FRMD4B: variants seen among roughly 807,000 people sequenced by gnomAD.
FRMD4B encodes the protein FERM domain-containing protein 4B.
A neutral mutation model predicts 141.5 loss-of-function variants in FRMD4B; 74 were observed. The ratio of observed to expected loss-of-function variants is 0.52; its 90% CI spans 0.43 to 0.63. The LOEUF (loss-of-function observed/expected upper bound fraction) is 0.63, where lower values mean the gene tolerates loss of function less well. FRMD4B is among the 30% of genes least tolerant of loss of function. FRMD4B has a pLI of 0.00. For synonymous variants in FRMD4B, 506 were observed against 467.9 expected (o/e 1.08, Z -1.05); for missense variants, 1,366 against 1,253.4 (o/e 1.09, Z -1.36).
rs1559552130 is a variant in FRMD4B, at chr3:69,520,017, TA to T, written c.-129+22188del. On this transcript the variant is annotated intron_variant, in intron 1 of 5. Coordinates refer to the FRMD4B transcript ENST00000459638. ...TATTCCATATATATATATATATATA[TA>T]TATATATTCCATCATATATATATAT... 2.3e-5 allele frequency among the ~76,000 whole-genome samples: 3 copies of T among 128,016 alleles called. No individual in the cohort carries two copies. In the East Asian group the frequency reaches 6.8e-4, roughly 29 times the overall value. The allele number at this position is 128,016 out of a possible 152,430, so 84.0% of individuals were successfully genotyped here. A position where few individuals can be genotyped will look rare whatever the true frequency, so the allele number is the denominator to read the frequency against.
At chr3:69,241,543 C>G (rs1020220724) in intron 7 of FRMD4B, among the ~76,000 whole-genome samples, 1 of 152,140 alleles carries the variant, frequency 6.6e-6, no homozygotes, top group South Asian at 2.1e-4. Flanking sequence ...GTCAAGTAAG[C>G]CTTCTTTATT....
At chr3:69,265,272 ATATATATATATATATATAT>A (rs2093555039) in intron 5 of FRMD4B, among the ~76,000 whole-genome samples, 201 of 16,188 alleles carry the variant, frequency 0.012, 35 homozygotes, top group African/African-American at 0.04. Flanking sequence ...AAAAAAAAAT[ATATATATATATATATATAT>A]ATATATATAT....
chr3:69,509,979 A>G (rs1001223437), intron 1 of FRMD4B, among the ~76,000 whole-genome samples: 5 of 151,362 alleles, frequency 3.3e-5, no homozygotes, highest in Admixed American at 2.0e-4. Context: ...TTCTACATGC[A>G]CTGGGAAATC....
intron 1 of FRMD4B, among the ~76,000 whole-genome samples, chr3:69,499,259 C>G (rs1288092885): frequency 2.6e-5 from 4 of 152,124 alleles, no homozygotes; most frequent in African/African-American, 9.7e-5. Flanking sequence ...AGTAAAGAGT[C>G]TGAATCTTAT....
intron 1 of FRMD4B, among the ~76,000 whole-genome samples, chr3:69,437,816 CTA>C (rs1377061488): frequency 2.4e-5 from 3 of 122,712 alleles, no homozygotes; most frequent in South Asian, 2.4e-4. Flanking sequence ...TTTATATATA[CTA>C]TATATATTTA....
At chr3:69,312,403 G>A (rs991691445) in intron 2 of FRMD4B, among the ~76,000 whole-genome samples, 2 of 152,206 alleles carry the variant, frequency 1.3e-5, no homozygotes, top group Non-Finnish European at 2.9e-5. Flanking sequence ...AGCTACTGTT[G>A]ACTGTACTAT....
At chr3:69,314,993 A>T (rs987280088) in intron 1 of FRMD4B, among the ~76,000 whole-genome samples, 1 of 152,110 alleles carries the variant, frequency 6.6e-6, no homozygotes, top group Non-Finnish European at 1.5e-5. Context: ...CATGCCTGTG[A>T]ATAGCCACTG....
At chr3:69,233,239 C>A (rs1161935070) in intron 7 of FRMD4B, among the ~76,000 whole-genome samples, 2 of 151,954 alleles carry the variant, frequency 1.3e-5, no homozygotes, top group African/African-American at 4.8e-5. Flanking sequence ...GTAATCCCAG[C>A]ACTTTGGGAG....
At chr3:69,180,759 C>T in intron 21 of FRMD4B, 140 bp downstream of exon 21, 3 of 619,802 alleles carry the variant, frequency 4.8e-6, no homozygotes, top group Non-Finnish European at 8.6e-6. Context: ...GTTGGAAATT[C>T]TTATTGTGGG....
intron 1 of FRMD4B, among the ~76,000 whole-genome samples, chr3:69,464,580 C>T (rs17005948): frequency 0.24 from 36,578 of 152,100 alleles, 4,598 homozygotes; most frequent in South Asian, 0.33. Flanking sequence ...GTGGAGACCC[C>T]TTTCTTATAG....
intron 3 of FRMD4B, among the ~76,000 whole-genome samples, chr3:69,306,047 T>C (rs1195515545): frequency 6.6e-6 from 1 of 152,196 alleles, no homozygotes; most frequent in Non-Finnish European, 1.5e-5. Context: ...TATTCATGCA[T>C]ATATTATAAG....
intron 2 of FRMD4B, among the ~76,000 whole-genome samples, chr3:69,405,975 A>T (rs998133285): frequency 1.6e-4 from 25 of 152,178 alleles, no homozygotes; most frequent in African/African-American, 6.0e-4. Context: ...TATAATAATT[A>T]TTAAATTCTT....
intron 7 of FRMD4B, among the ~76,000 whole-genome samples, chr3:69,244,482 T>C (rs2093409770): frequency 6.6e-6 from 1 of 152,214 alleles, no homozygotes; most frequent in South Asian, 2.1e-4. Context: ...TTGTTTATCA[T>C]GTTTTTTGAG....
intron 19 of FRMD4B, among the ~76,000 whole-genome samples, chr3:69,186,527 C>T (rs751224078): frequency 1.5e-4 from 23 of 152,144 alleles, no homozygotes; most frequent in Non-Finnish European, 3.2e-4. Flanking sequence ...GCCTGGCCAA[C>T]ATGGTGAGAC....
At chr3:69,266,045 A>AC (rs2093560188) in intron 5 of FRMD4B, among the ~76,000 whole-genome samples, 1 of 151,438 alleles carries the variant, frequency 6.6e-6, no homozygotes, top group Non-Finnish European at 1.5e-5. Context: ...AAAAAAAAAA[A>AC]CTTTAAATTA....
chr3:69,176,479 T>C, intron 22 of FRMD4B, 45 bp downstream of exon 22: 1 of 1,548,464 alleles, frequency 6.5e-7, no homozygotes, highest in East Asian at 2.3e-5. Flanking sequence ...TGAATTCTTT[T>C]GAACTGGAAC....
rs557681982 is a variant in FRMD4B at position 69,416,018 on chromosome 3, T to G, written c.-1+16616A>C. 5.9e-5 allele frequency among the ~76,000 whole-genome samples: 9 copies of G among 152,316 alleles called. No homozygotes were observed. In the South Asian group the frequency reaches 8.3e-4, roughly 14 times the overall value. ...GAATAAAGTGCCCTGTCCTCTGAGT[T>G]AGAAAGATTAAATATTAAAAGTTTT... On this transcript the variant is annotated intron_variant, in intron 2 of 5. Transcript: ENST00000459638.
chr3:69,330,797 T>C (rs942657839), intron 1 of FRMD4B, among the ~76,000 whole-genome samples: 2 of 152,140 alleles, frequency 1.3e-5, no homozygotes, highest in African/African-American at 4.8e-5. Flanking sequence ...ACGCCCGGCC[T>C]CTTTTGCCGC....
At chr3:69,280,010 G>A (rs1344578697) in intron 5 of FRMD4B, among the ~76,000 whole-genome samples, 2 of 152,014 alleles carry the variant, frequency 1.3e-5, no homozygotes, top group African/African-American at 4.8e-5. Context: ...AAAAAAAGGG[G>A]GTGTGGTGGT....
Sources: allele counts gnomAD v4.1 joint callset (sites outside exome capture counted in the v4.1 genomes callset), GRCh38; gene constraint gnomAD v4.1.1; transcripts MANE v1.5; gene names NCBI Gene and HGNC (gene_info 2026-07-23, HGNC 2026-07-21).